ITGBL1: variants seen among roughly 807,000 people sequenced by gnomAD.
ITGBL1 encodes the protein integrin beta-like protein 1.
ITGBL1 carries 51 observed loss-of-function variants against 68.5 expected under a neutral mutation model. The ratio of observed to expected loss-of-function variants is 0.74; its 90% CI spans 0.59 to 0.94. The LOEUF is 0.94. Among genes scored for constraint, ITGBL1 ranks in the 40% least tolerant of loss-of-function variants. The probability of loss-of-function intolerance (pLI) is 0.00; values close to 1 mark genes in which losing one functional copy is unlikely to be tolerated. For synonymous variants in ITGBL1, 209 were observed against 227.3 expected (o/e 0.92, Z 0.72); for missense variants, 649 against 647.4 (o/e 1.00, Z -0.03).
At chr13:101,608,951 G>T (rs1336294201) in intron 7 of ITGBL1, among the ~76,000 whole-genome samples, 2 of 151,996 alleles carry the variant, frequency 1.3e-5, no homozygotes, top group African/African-American at 2.4e-5. Flanking sequence ...AGAAGGAAAG[G>T]CCTGGACTTT....
intron 2 of ITGBL1, among the ~76,000 whole-genome samples, chr13:101,526,155 C>CTTT (rs66790287): frequency 0.024 from 3,324 of 136,540 alleles, 146 homozygotes; most frequent in African/African-American, 0.083. Flanking sequence ...TCTTCTTCTT[C>CTTT]TTTTTTTTTT....
At position 101,461,325 on chromosome 13, in the gene ITGBL1, G is replaced by C. The variant is rs571429421; in HGVS notation, c.316+7225G>C. ...CCCCACAAAAGCTGCTCAGCTCTCT[G>C]AGCCTCATATACATATTGTTACATC... On this transcript the variant is annotated intron_variant, in intron 2 of 10. Coordinates refer to ENST00000376180, the MANE Select transcript of ITGBL1 (RefSeq NM_004791.3). 2.0e-5 allele frequency among the ~76,000 whole-genome samples: 3 copies of C among 152,170 alleles called. No homozygotes were observed. In the South Asian group the frequency reaches 6.2e-4, roughly 32 times the overall value.
chr13:101,637,209 G>C (rs2032198059), intron 7 of ITGBL1, among the ~76,000 whole-genome samples: 1 of 152,038 alleles, frequency 6.6e-6, no homozygotes, highest in Admixed American at 6.6e-5. Context: ...TAATTTAAAA[G>C]CATACCTCAA....
At chr13:101,552,909 A>T (rs1007312426) in intron 2 of ITGBL1, among the ~76,000 whole-genome samples, 1 of 152,210 alleles carries the variant, frequency 6.6e-6, no homozygotes, top group African/African-American at 2.4e-5. Flanking sequence ...AGCAGTAAAA[A>T]TGTTCTCTCT....
intron 7 of ITGBL1, among the ~76,000 whole-genome samples, chr13:101,650,214 T>C (rs2032699607): frequency 6.6e-6 from 1 of 152,222 alleles, no homozygotes; most frequent in Admixed American, 6.5e-5. Flanking sequence ...TCTTATATTT[T>C]CTCAGATATA....
At chr13:101,528,730 A>T (rs2049423549) in intron 2 of ITGBL1, among the ~76,000 whole-genome samples, 1 of 152,012 alleles carries the variant, frequency 6.6e-6, no homozygotes, top group Admixed American at 6.6e-5. Flanking sequence ...AATGAAATTA[A>T]CAGAAGAGGG....
chr13:101,615,052 T>A (rs1002477784), intron 7 of ITGBL1, among the ~76,000 whole-genome samples: 1 of 152,128 alleles, frequency 6.6e-6, no homozygotes, highest in African/African-American at 2.4e-5. Flanking sequence ...AATTTGAAAT[T>A]GAAAAATGTC....
At chr13:101,466,799 G>A (rs2048387830) in intron 2 of ITGBL1, among the ~76,000 whole-genome samples, 2 of 152,158 alleles carry the variant, frequency 1.3e-5, no homozygotes, top group African/African-American at 4.8e-5. Context: ...GCTTTGTATG[G>A]TTTTGAATTA....
downstream of ITGBL1, chr13:101,716,786 A>G (rs2034741405): frequency 2.3e-5 from 1 of 43,974 alleles, no homozygotes; most frequent in Admixed American, 3.6e-4. Flanking sequence ...AAGCTCACAA[A>G]AGACCAAAAA....
At chr13:101,681,970 T>C (rs932643898) in intron 7 of ITGBL1, among the ~76,000 whole-genome samples, 1 of 152,200 alleles carries the variant, frequency 6.6e-6, no homozygotes, top group South Asian at 2.1e-4. Context: ...TTTCACAATC[T>C]TTACCTTATA....
chr13:101,518,338 A>G (rs1176414875), intron 2 of ITGBL1, among the ~76,000 whole-genome samples: 1 of 152,216 alleles, frequency 6.6e-6, no homozygotes, highest in Non-Finnish European at 1.5e-5. Flanking sequence ...AAGATACATA[A>G]TACATGAAGT....
At chr13:101,664,833 A>C (rs1253486853) in intron 7 of ITGBL1, among the ~76,000 whole-genome samples, 1 of 152,148 alleles carries the variant, frequency 6.6e-6, no homozygotes, top group African/African-American at 2.4e-5. Flanking sequence ...TTCCAGGTTA[A>C]AGTGATTCTC....
chr13:101,525,204 A>T (rs1248265341), intron 2 of ITGBL1, among the ~76,000 whole-genome samples: 2 of 152,140 alleles, frequency 1.3e-5, no homozygotes, highest in African/African-American at 4.8e-5. Flanking sequence ...AAATAATTGT[A>T]TAGAAAAATG....
chr13:101,676,944 C>T (rs949629389), intron 7 of ITGBL1, among the ~76,000 whole-genome samples: 4 of 151,944 alleles, frequency 2.6e-5, no homozygotes, highest in East Asian at 1.9e-4. Context: ...AGTTGGGTGG[C>T]GAAACTCCAT....
At position 101,637,224 on chromosome 13, in the gene ITGBL1, A is replaced by G. The variant is rs553607883; in HGVS notation, c.1015+38925A>G. ...TAATTTAAAAGCATACCTCAATTCA[A>G]TGTTTGTTATATACCCAAAGAAATT... is the stretch of plus-strand genomic sequence containing the variant. On this transcript the variant is annotated intron_variant, in intron 7 of 10. Transcript: ENST00000376180. Among the ~76,000 whole-genome samples the G allele has an allele frequency of 1.8e-4, 28 of 152,254 alleles. No homozygotes were observed. The East Asian group carries it at 3.9e-3, about 21-fold the overall frequency.
chr13:101,680,592 G>A (rs770887447), intron 7 of ITGBL1, among the ~76,000 whole-genome samples: 2 of 151,748 alleles, frequency 1.3e-5, no homozygotes, highest in South Asian at 2.1e-4. Context: ...TTGTATGTGA[G>A]TAATTGAACT....
In ITGBL1 at chr13:101,575,402, CTTTT is replaced by C; in HGVS notation, c.464-19_464-16del. ...ATTTTATGTGCATGTAACAAACAGTCTTTTTTGTTTTCATGGTTTAGGTACATGT... is the reference window on the plus strand; with the variant it reads ...ATTTTATGTGCATGTAACAAACAGTCTTGTTTTCATGGTTTAGGTACATGT... On this transcript the variant is annotated intron_variant, in intron 3 of 10. Transcript: ENST00000376180. The C allele has an allele frequency of 6.2e-7, 1 of 1,605,270 alleles. No individual in the cohort carries two copies. Among genetic ancestry groups the C allele is most frequent in the Non-Finnish European group, 8.5e-7 (1 of 1,174,802 alleles).
At chr13:101,521,981 G>A (rs751600818) in intron 2 of ITGBL1, among the ~76,000 whole-genome samples, 5 of 151,816 alleles carry the variant, frequency 3.3e-5, no homozygotes, top group East Asian at 1.9e-4. Context: ...CTGCTGTGAC[G>A]GCAACATGGT....
intron 7 of ITGBL1, among the ~76,000 whole-genome samples, chr13:101,690,391 A>G (rs3783222): frequency 0.36 from 54,792 of 151,960 alleles, 9,920 homozygotes; most frequent in Middle Eastern, 0.43. Flanking sequence ...AATTACTTAA[A>G]ATGTGAATAA....
Sources: gnomAD v4.1 joint callset for allele counts (sites outside exome capture counted in the v4.1 genomes callset) on GRCh38, gnomAD v4.1.1 for gene constraint, MANE v1.5 for transcripts, NCBI Gene and HGNC (gene_info 2026-07-23, HGNC 2026-07-21) for gene names.